The following NDST4 variants were observed in gnomAD, a reference collection of about 807,000 sequenced individuals.
NDST4 encodes N-deacetylase and N-sulfotransferase 4.
A neutral mutation model predicts 100.8 loss-of-function variants in NDST4; 63 were observed. The observed-to-expected ratio is 0.62, with a 90% CI of 0.51 to 0.77. NDST4 has a LOEUF of 0.77. Ranked by LOEUF, NDST4 falls within the 30% of genes least tolerant of loss-of-function variation. NDST4 has a pLI of 0.00. For synonymous variants in NDST4, 377 were observed against 361.8 expected, an observed-to-expected ratio of 1.04 and a Z score of -0.48; for missense variants, 943 against 1,018.4, an observed-to-expected ratio of 0.93 and a Z score of 1.01.
At chr4:114,929,240 G>A (rs974151267) in intron 6 of NDST4, among the ~76,000 whole-genome samples, 3 of 151,842 alleles carry the variant, frequency 2.0e-5, no homozygotes, top group Non-Finnish European at 4.4e-5. Context: ...TATGCAAGCC[G>A]GGAAGTAAGC....
chr4:115,001,507 G>C (rs1727289621), intron 2 of NDST4, among the ~76,000 whole-genome samples: 1 of 151,668 alleles, frequency 6.6e-6, no homozygotes, highest in African/African-American at 2.4e-5. Context: ...AAGCTGTCTT[G>C]TGACTTCCAA....
At chr4:114,878,101 T>A (rs562914934) in intron 6 of NDST4, among the ~76,000 whole-genome samples, 1 of 151,278 alleles carries the variant, frequency 6.6e-6, no homozygotes, top group South Asian at 2.1e-4. Flanking sequence ...CATCTCACCA[T>A]GTGTAGGTCA....
chr4:114,965,252 G>A (rs1726355004), intron 4 of NDST4, among the ~76,000 whole-genome samples: 1 of 151,966 alleles, frequency 6.6e-6, no homozygotes, highest in South Asian at 2.1e-4. Context: ...TGTCAACATT[G>A]AAAGGAAGCT....
At chr4:115,030,812 C>T (rs541375518) in intron 2 of NDST4, among the ~76,000 whole-genome samples, 20 of 152,164 alleles carry the variant, frequency 1.3e-4, no homozygotes, top group African/African-American at 4.8e-4. Context: ...GAAGACAAAA[C>T]TGCATCATGT....
At chr4:114,945,611 G>T (rs1482171822) in intron 4 of NDST4, among the ~76,000 whole-genome samples, 1 of 152,220 alleles carries the variant, frequency 6.6e-6, no homozygotes, top group Non-Finnish European at 1.5e-5. Context: ...TGCACTTGTT[G>T]TAAAGAGATA....
intron 8 of NDST4, among the ~76,000 whole-genome samples, chr4:114,849,457 G>A (rs1156697991): frequency 6.6e-6 from 1 of 152,228 alleles, no homozygotes; most frequent in East Asian, 1.9e-4. Flanking sequence ...AAGGCCAGCA[G>A]ATAATTGGCA....
At chr4:114,969,558 C>A (rs1376089248) in intron 4 of NDST4, among the ~76,000 whole-genome samples, 1 of 152,128 alleles carries the variant, frequency 6.6e-6, no homozygotes, top group Admixed American at 6.6e-5. Context: ...TAAGTGCCAA[C>A]ATGCAGTGTT....
intron 6 of NDST4, among the ~76,000 whole-genome samples, chr4:114,884,504 A>G (rs891956799): frequency 2.6e-5 from 4 of 152,128 alleles, no homozygotes; most frequent in African/African-American, 9.7e-5. Context: ...ACAAACATAT[A>G]ACCATACATG....
intron 7 of NDST4, among the ~76,000 whole-genome samples, chr4:114,867,567 G>A (rs545278038): frequency 7.1e-6 from 1 of 141,586 alleles, no homozygotes; most frequent in African/African-American, 2.6e-5. Flanking sequence ...GAGCTTAAAA[G>A]CATCGATTAG....
chr4:114,907,036 A>T (rs1372539704), intron 6 of NDST4, among the ~76,000 whole-genome samples: 1 of 152,150 alleles, frequency 6.6e-6, no homozygotes, highest in Non-Finnish European at 1.5e-5. Flanking sequence ...GGGAAAGTAC[A>T]TTAGAATTAG....
intron 4 of NDST4, chr4:114,956,064 T>C (rs1583924): frequency 0.68 from 103,162 of 151,634 alleles, 35,160 homozygotes; most frequent in African/African-American, 0.71. Flanking sequence ...GAAGCTGTAC[T>C]CTAAGTGCAG....
chr4:114,876,950 ACTGT>A (rs1560790785), intron 6 of NDST4, among the ~76,000 whole-genome samples: 2 of 152,176 alleles, frequency 1.3e-5, no homozygotes, highest in African/African-American at 2.4e-5. Context: ...GTTTCAGGTG[ACTGT>A]CTGAGTTTAT....
chr4:114,926,983 T>C (rs935108604), intron 6 of NDST4, among the ~76,000 whole-genome samples: 1 of 152,056 alleles, frequency 6.6e-6, no homozygotes, highest in African/African-American at 2.4e-5. Flanking sequence ...CTAATCAAAA[T>C]TCAAAATGGT....
At chr4:115,005,895 T>C (rs1727403179) in intron 2 of NDST4, among the ~76,000 whole-genome samples, 1 of 151,210 alleles carries the variant, frequency 6.6e-6, no homozygotes, top group Admixed American at 6.6e-5. Flanking sequence ...TAGCCAGGTG[T>C]GGTGGTATGC....
At chr4:115,058,409 C>G (rs998874757) in intron 2 of NDST4, among the ~76,000 whole-genome samples, 1 of 152,128 alleles carries the variant, frequency 6.6e-6, no homozygotes, top group African/African-American at 2.4e-5. Flanking sequence ...ATTACTACAA[C>G]AAGGGCTTTC....
At chr4:114,850,804 T>A (rs1016864867) in intron 8 of NDST4, among the ~76,000 whole-genome samples, 4 of 152,138 alleles carry the variant, frequency 2.6e-5, no homozygotes, top group Non-Finnish European at 5.9e-5. Flanking sequence ...CCTATGAGAA[T>A]CCTCTTTTTA....
intron 4 of NDST4, among the ~76,000 whole-genome samples, chr4:114,960,165 G>A (rs1355210445): frequency 2.0e-5 from 3 of 152,160 alleles, no homozygotes; most frequent in African/African-American, 7.2e-5. Flanking sequence ...ATCTAGCAAA[G>A]CTATCTTTCA....
chr4:114,899,822 G>T (rs1009527631), intron 6 of NDST4, among the ~76,000 whole-genome samples: 3 of 151,980 alleles, frequency 2.0e-5, no homozygotes, highest in African/African-American at 7.2e-5. Context: ...TTCTGGTTTT[G>T]GTACTACTAG....
intron 11 of NDST4, among the ~76,000 whole-genome samples, chr4:114,838,865 T>C (rs550370101): frequency 7.2e-5 from 11 of 152,188 alleles, no homozygotes; most frequent in African/African-American, 2.6e-4. Context: ...TTTCAAATCC[T>C]TATTTCTTGA....
Sources: gnomAD v4.1 joint callset for allele counts (sites outside exome capture counted in the v4.1 genomes callset) on GRCh38, gnomAD v4.1.1 for gene constraint, MANE v1.5 for transcripts, NCBI Gene and HGNC (gene_info 2026-07-23, HGNC 2026-07-21) for gene names.